The following RPTOR variants were observed in gnomAD, a reference collection of about 807,000 sequenced individuals.
The protein encoded by RPTOR is regulatory associated protein of MTOR complex 1, also known as regulatory-associated protein of mTOR.
Under a neutral mutation model 169.9 loss-of-function variants are expected in RPTOR, and 21 were observed. The observed-to-expected ratio is 0.12, with a 90% CI of 0.09 to 0.18. The LOEUF (loss-of-function observed/expected upper bound fraction) is 0.18. RPTOR is among the 10% of genes least tolerant of loss of function. The probability of loss-of-function intolerance (pLI) is 1.00; values close to 1 mark genes in which losing one functional copy is unlikely to be tolerated. For synonymous variants in RPTOR, 732 were observed against 753.2 expected, an observed-to-expected ratio of 0.97 and a Z score of 0.46; for missense variants, 1,133 against 1,855.9, an observed-to-expected ratio of 0.61 and a Z score of 7.16.
chr17:80,751,939 G>A (rs1254760941), intron 5 of RPTOR, among the ~76,000 whole-genome samples: 1 of 152,218 alleles, frequency 6.6e-6, no homozygotes, highest in African/African-American at 2.4e-5. Flanking sequence ...GGCAGATGAG[G>A]TTGGCCCCTA....
intron 6 of RPTOR, among the ~76,000 whole-genome samples, chr17:80,790,199 T>C (rs532691301): frequency 9.8e-4 from 149 of 152,334 alleles, no homozygotes; most frequent in African/African-American, 3.4e-3. Context: ...GGGCACTTGA[T>C]GCCGTGGGAA....
intron 3 of RPTOR, among the ~76,000 whole-genome samples, chr17:80,672,227 A>C (rs2065827153): frequency 6.6e-6 from 1 of 152,164 alleles, no homozygotes; most frequent in Admixed American, 6.5e-5. Context: ...GGGGAGAGGA[A>C]ATAACAATTG....
chr17:80,807,057 C>G (rs1260038344), intron 7 of RPTOR, among the ~76,000 whole-genome samples: 1 of 152,168 alleles, frequency 6.6e-6, no homozygotes, highest in African/African-American at 2.4e-5. Context: ...TGCCTTTTGC[C>G]TTAGAGTCCA....
Position 80,932,579 on chromosome 17 carries a change from G to A in RPTOR, c.2919+7099G>A, listed in dbSNP as rs116350116. Among the ~76,000 whole-genome samples, 627 of 152,268 alleles carry A rather than the reference G, an allele frequency of 4.1e-3. 4 individuals carry two copies. Among genetic ancestry groups the A allele is most frequent in the African/African-American group, 0.014 (580 of 41,544 alleles). On this transcript the variant is annotated intron_variant, in intron 24 of 33. Transcript: ENST00000306801. ...GTTGGACACTAAGAAAGAGTCAAGT[G>A]AATGCCCCCCAGAGGCCTATCTGTG...
intron 3 of RPTOR, among the ~76,000 whole-genome samples, chr17:80,694,297 G>A (rs1212721862): frequency 6.6e-6 from 1 of 152,232 alleles, no homozygotes. Context: ...GGGCAGGCAT[G>A]CCCGGGCATG....
intron 4 of RPTOR, among the ~76,000 whole-genome samples, chr17:80,727,503 C>T (rs2066349715): frequency 6.6e-6 from 1 of 151,954 alleles, no homozygotes; most frequent in South Asian, 2.1e-4. Flanking sequence ...CCACATCATG[C>T]TCTGAGAACG....
intron 11 of RPTOR, among the ~76,000 whole-genome samples, chr17:80,849,478 A>G (rs2067769796): frequency 6.6e-6 from 1 of 152,206 alleles, no homozygotes; most frequent in East Asian, 1.9e-4. Context: ...GAAGGAAGAT[A>G]CAATGTTTAA....
chr17:80,841,559 G>A (rs1265010378), intron 10 of RPTOR, among the ~76,000 whole-genome samples: 19 of 109,820 alleles, frequency 1.7e-4, no homozygotes, highest in Non-Finnish European at 2.7e-4. Context: ...CACTCTCACC[G>A]CACGGCAGAT....
At chr17:80,869,912 A>T (rs1023503798) in intron 13 of RPTOR, among the ~76,000 whole-genome samples, 80 of 152,220 alleles carry the variant, frequency 5.3e-4, no homozygotes, top group Non-Finnish European at 6.8e-4. Context: ...GCAGAACTTC[A>T]TGATGAGAAA....
In RPTOR at chr17:80,960,074, C is replaced by T. The variant is rs1483628555; in HGVS notation, c.3478-4C>T. Reference sequence around the variant, plus strand: ...TTCACCGGGCTGCCTGTGTTTGGCTCTAGGACATCCCTACGGGCGCAGACA... The same window carrying T: ...TTCACCGGGCTGCCTGTGTTTGGCTTTAGGACATCCCTACGGGCGCAGACA... On this transcript the variant is annotated splice_polypyrimidine_tract_variant and splice_region_variant and intron_variant, in intron 29 of 33. Transcript: ENST00000306801. This position sits in a 1 kb window ranked among gnomAD's most constrained non-coding sequence, Gnocchi z 4.8. 6.2e-7 allele frequency: 1 copy of T among 1,613,438 alleles called. No homozygotes were observed. The highest frequency in any genetic ancestry group is 1.3e-5 in the African/African-American group (1 of 74,926).
chr17:80,882,691 A>C (rs936507336), intron 14 of RPTOR, among the ~76,000 whole-genome samples: 36 of 152,364 alleles, frequency 2.4e-4, no homozygotes, highest in African/African-American at 8.4e-4. Context: ...AGCAAGATGC[A>C]GGACACGGCA....
chr17:80,608,840 G>C (rs1334312097), intron 1 of RPTOR, among the ~76,000 whole-genome samples: 1 of 152,210 alleles, frequency 6.6e-6, no homozygotes, highest in Non-Finnish European at 1.5e-5. Context: ...GGGAACAGGT[G>C]CTTCTGCGCG....
At chr17:80,583,072 C>T (rs571456867) in intron 1 of RPTOR, among the ~76,000 whole-genome samples, 18 of 150,862 alleles carry the variant, frequency 1.2e-4, no homozygotes, top group Admixed American at 3.3e-4. Context: ...TGCGCCACCA[C>T]GCCTGGCTAA....
At chr17:80,761,561 C>G (rs561550363) in intron 6 of RPTOR, among the ~76,000 whole-genome samples, 3 of 152,252 alleles carry the variant, frequency 2.0e-5, no homozygotes, top group East Asian at 3.9e-4. Context: ...GTTTGCAGTG[C>G]CTGTCTCATT....
intron 8 of RPTOR, among the ~76,000 whole-genome samples, chr17:80,822,752 T>G (rs2067394291): frequency 1.3e-5 from 2 of 151,648 alleles, no homozygotes; most frequent in African/African-American, 4.9e-5. Flanking sequence ...ATATGCATAT[T>G]TGTGTGTGTG....
At chr17:80,709,583 G>A (rs1460380092) in intron 4 of RPTOR, among the ~76,000 whole-genome samples, 1 of 152,236 alleles carries the variant, frequency 6.6e-6, no homozygotes, top group Non-Finnish European at 1.5e-5. Flanking sequence ...GTCCCCTGCC[G>A]GGACCCCGCC....
At chr17:80,567,705 T>C (rs2064859567) in intron 1 of RPTOR, among the ~76,000 whole-genome samples, 1 of 151,544 alleles carries the variant, frequency 6.6e-6, no homozygotes. Context: ...GGCAGGAGAA[T>C]TGCTTGAACC....
At chr17:80,600,926 C>T (rs907697986) in intron 1 of RPTOR, among the ~76,000 whole-genome samples, 2 of 84,068 alleles carry the variant, frequency 2.4e-5, no homozygotes, top group African/African-American at 4.2e-5. Flanking sequence ...CGTCTCCCGC[C>T]GCACGTGCCC....
chr17:80,957,836 CA>C lies in RPTOR; in HGVS notation c.3477+107del, dbSNP rs2069273157. The C allele has an allele frequency of 9.7e-7, 1 of 1,027,068 alleles. No homozygotes were observed. Among genetic ancestry groups the C allele is most frequent in the African/African-American group, 1.6e-5 (1 of 63,924 alleles). The allele number at this position is 1,027,068 out of a possible 1,614,324, so 63.6% of individuals were successfully genotyped here. On this transcript the variant is annotated intron_variant, in intron 29 of 33. Coordinates refer to ENST00000306801, the MANE Select transcript of RPTOR (RefSeq NM_020761.3). This position sits in a 1 kb window ranked among gnomAD's most constrained non-coding sequence, Gnocchi z 4.6. ...AGTGTGCGGTGAGGCCTGGCCATCCCAGGGGTGGAGTCAGGGCCTGGGAGGA... is the reference window on the plus strand; with the variant it reads ...AGTGTGCGGTGAGGCCTGGCCATCCCGGGGTGGAGTCAGGGCCTGGGAGGA...
Sources: allele counts gnomAD v4.1 joint callset (sites outside exome capture counted in the v4.1 genomes callset), GRCh38; gene constraint gnomAD v4.1.1; non-coding constraint Gnocchi (gnomAD v3.1); transcripts MANE v1.5; gene names NCBI Gene and HGNC (gene_info 2026-07-23, HGNC 2026-07-21).